The following CEP290 variants were observed in gnomAD, a reference collection of about 807,000 sequenced individuals.
CEP290 encodes centrosomal protein 290, also known as centrosomal protein of 290 kDa.
Under a neutral mutation model 344.9 loss-of-function variants are expected in CEP290, and 317 were observed. The ratio of observed to expected loss-of-function variants is 0.92; its 90% CI spans 0.84 to 1.01. The LOEUF (loss-of-function observed/expected upper bound fraction) is 1.01. Ranked by LOEUF, CEP290 falls within the 50% of genes least tolerant of loss-of-function variation. The pLI, the probability that CEP290 is intolerant of heterozygous loss-of-function variation, is 0.00. For synonymous variants in CEP290, 932 were observed against 895.8 expected (o/e 1.04, Z -0.72); for missense variants, 2,754 against 2,761.4 (o/e 1.00, Z 0.06).
At chr12:88,066,925 T>C (rs1349585901) in intron 44 of CEP290, among the ~76,000 whole-genome samples, 2 of 152,174 alleles carry the variant, frequency 1.3e-5, no homozygotes, top group Non-Finnish European at 2.9e-5. Flanking sequence ...GCATCCTGCC[T>C]GAGCCTAACA....
chr12:88,049,239 G>A lies in CEP290; in HGVS notation c.7385C>T (p.Ala2462Val). ...LGVELTSPVA[A>V]SEEFEDEEES... is the part of the protein sequence containing the mutation. ...TTCTTCATCTTCAAACTCTTCAGAA[G>A]CAGCAACAGGGCTAGTTAATTCAAC... Residue 2462 changes from alanine to valine, a missense_variant, in exon 54 of 54, where the codon GCT (alanine) becomes GTT (valine). Physicochemically the swap from Ala to Val is moderately conservative, Grantham distance 64. Coordinates refer to ENST00000552810, the MANE Select transcript of CEP290 (RefSeq NM_025114.4). 6.2e-7 allele frequency: 1 copy of A among 1,608,722 alleles called. No homozygotes were observed.
At chr12:88,114,976 T>C (rs11610390) in intron 19 of CEP290, 122 bp downstream of exon 19, 2 of 599,832 alleles carry the variant, frequency 3.3e-6, no homozygotes, top group Non-Finnish European at 5.9e-6. Context: ...GTATATACAG[T>C]ACAGAGGTAA....
intron 25 of CEP290, 32 bp from the exon 26 acceptor site, chr12:88,103,043 G>A: frequency 7.0e-7 from 1 of 1,426,682 alleles, no homozygotes; most frequent in Non-Finnish European, 9.2e-7. Context: ...GAGTTATGCT[G>A]GTGTCTTTTT....
At chr12:88,083,271 C>A in intron 36 of CEP290, 41 bp from the exon 37 acceptor site, 2 of 1,061,708 alleles carry the variant, frequency 1.9e-6, no homozygotes, top group South Asian at 4.8e-5. Flanking sequence ...ATGTATAATT[C>A]AATGCCATAC....
chr12:88,084,765 A>C lies in CEP290; in HGVS notation c.4525T>G (p.Leu1509Val). The change falls in exon 35 of 54, where the codon TTG becomes GTG. Residue 1509 changes from leucine (L) to valine (V), a missense_variant. Coordinates refer to ENST00000552810, the MANE Select transcript of CEP290 (RefSeq NM_025114.4). ...DKVINELRLR[L>V]PATAEREKLI... ...TTTTCTCTTTCTGCAGTGGCAGGCA[A>C]TCGAAGCCTCAGTTCATTGATTACT... is the stretch of plus-strand genomic sequence containing the variant. 3 of 1,613,592 alleles carry C rather than the reference A, an allele frequency of 1.9e-6. No homozygotes were observed. The highest frequency in any genetic ancestry group is 2.5e-6 in the Non-Finnish European group (3 of 1,179,712).
chr12:88,065,541 A>G (rs190735036), intron 44 of CEP290, among the ~76,000 whole-genome samples: 1 of 152,178 alleles, frequency 6.6e-6, no homozygotes, highest in Non-Finnish European at 1.5e-5. Flanking sequence ...ATTAGACAGG[A>G]TAACTTTTAA....
At chr12:88,080,120 T>G in intron 38 of CEP290, 62 bp downstream of exon 38, 1 of 1,076,856 alleles carries the variant, frequency 9.3e-7, no homozygotes, top group Non-Finnish European at 1.3e-6. Context: ...TTACAAATCT[T>G]CTCTAAAAGC....
intron 23 of CEP290, among the ~76,000 whole-genome samples, chr12:88,107,626 A>G (rs1005444056): frequency 3.3e-5 from 5 of 151,560 alleles, no homozygotes; most frequent in Non-Finnish European, 7.4e-5. Flanking sequence ...AAAAAAAAAA[A>G]TAAGAAGAAG....
chr12:88,105,336 T>G (rs1014996161), intron 25 of CEP290, among the ~76,000 whole-genome samples: 6 of 152,306 alleles, frequency 3.9e-5, no homozygotes, highest in African/African-American at 1.4e-4. Context: ...TCTGTGAGTC[T>G]AATCTGATAC....
At position 88,093,977 on chromosome 12, in the gene CEP290, T is replaced by C. The variant is rs773386777; in HGVS notation, c.3104-2A>G. 5 of 1,587,460 alleles carry C rather than the reference T, an allele frequency of 3.1e-6. No homozygotes were observed. Among genetic ancestry groups the C allele is most frequent in the Non-Finnish European group, 4.3e-6 (5 of 1,166,376 alleles). On this transcript the variant is annotated splice_acceptor_variant, in intron 27 of 53. Coordinates refer to ENST00000552810, the MANE Select transcript of CEP290 (RefSeq NM_025114.4). LOFTEE classifies it high-confidence loss of function. ...CCTTATCCATGCTAGATTCATTACC[T>C]ACATGCAATAATATTTAAGTCAATC...
intron 12 of CEP290, 143 bp from the exon 13 acceptor site, chr12:88,125,512 C>T (rs537520733): frequency 3.2e-5 from 11 of 348,700 alleles, no homozygotes; most frequent in East Asian, 3.1e-4. Flanking sequence ...CCATTTTGTA[C>T]ACTTCAACTG....
chr12:88,134,711 T>C (rs1410510239), intron 6 of CEP290, among the ~76,000 whole-genome samples: 1 of 152,206 alleles, frequency 6.6e-6, no homozygotes, highest in Non-Finnish European at 1.5e-5. Context: ...CTATCTCATA[T>C]GACAAGTATC....
chr12:88,059,081 G>A, intron 48 of CEP290, 61 bp from the exon 49 acceptor site: 1 of 1,330,006 alleles, frequency 7.5e-7, no homozygotes, highest in Non-Finnish European at 1.0e-6. Flanking sequence ...CATAGATTCA[G>A]TGTATTCAAA....
Position 88,101,347 on chromosome 12 carries a change from G to A in CEP290, c.2991+1491C>T, listed in dbSNP as rs113754167. Among the ~76,000 whole-genome samples, 43 of 152,022 alleles carry A rather than the reference G, an allele frequency of 2.8e-4. 1 individual carries two copies. The highest frequency in any genetic ancestry group is 9.9e-4 in the African/African-American group (41 of 41,460). ...ATACAAAAAATTAGCCGGGCATGAT[G>A]GTGGGTGCCTGTGGTACCAGCTACT... On this transcript the variant is annotated intron_variant, in intron 26 of 53. Coordinates refer to ENST00000552810, the MANE Select transcript of CEP290 (RefSeq NM_025114.4).
At chr12:88,069,988 T>G (rs2136935139) in intron 43 of CEP290, among the ~76,000 whole-genome samples, 1 of 152,326 alleles carries the variant, frequency 6.6e-6, no homozygotes, top group East Asian at 1.9e-4. Context: ...GTTTTAGCTG[T>G]TGTCAGAATA....
chr12:88,080,791 T>C (rs1267156518), intron 37 of CEP290, among the ~76,000 whole-genome samples: 1 of 152,176 alleles, frequency 6.6e-6, no homozygotes, highest in Non-Finnish European at 1.5e-5. Flanking sequence ...AAATTTCATA[T>C]AGAGCAAATG....
chr12:88,063,092 A>G lies in CEP290; in HGVS notation c.6271-314T>C, dbSNP rs950769599. ...AATATACACAGCAAAAGGCAAATGA[A>G]CGTCTAACATTGGTTCTATCAATGT... On this transcript the variant is annotated intron_variant, in intron 45 of 53. Coordinates refer to ENST00000552810, the MANE Select transcript of CEP290 (RefSeq NM_025114.4). Among the ~76,000 whole-genome samples, 113 of 152,010 alleles carry G rather than the reference A, an allele frequency of 7.4e-4. 1 individual carries two copies. Among genetic ancestry groups the G allele is most frequent in the African/African-American group, 2.6e-3 (107 of 41,508 alleles).
At chr12:88,134,779 T>G (rs1231303258) in intron 6 of CEP290, among the ~76,000 whole-genome samples, 5 of 152,222 alleles carry the variant, frequency 3.3e-5, no homozygotes, top group African/African-American at 1.2e-4. Flanking sequence ...AAGGACTCTA[T>G]GAAAGCTATT....
rs576696153 is a variant in CEP290, at chr12:88,118,837, T to C, written c.1523-94A>G. On this transcript the variant is annotated intron_variant, in intron 15 of 53. Coordinates refer to ENST00000552810, the MANE Select transcript of CEP290 (RefSeq NM_025114.4). Reference sequence around the variant, plus strand: ...ATCAAGCAACTGGTTATAATTCACTTAGCCAGTATCACTGAAGAATGAGGT... The same window carrying C: ...ATCAAGCAACTGGTTATAATTCACTCAGCCAGTATCACTGAAGAATGAGGT... 3.9e-6 allele frequency: 3 copies of C among 764,414 alleles called. No homozygotes were observed. The Admixed American group carries it at 9.2e-5, about 24-fold the overall frequency. 47.4% of individuals were successfully genotyped at this position (764,414 alleles called of 1,614,324 possible).
Sources: gnomAD v4.1 joint callset for allele counts (sites outside exome capture counted in the v4.1 genomes callset) on GRCh38, gnomAD v4.1.1 for gene constraint, MANE v1.5 for transcripts, NCBI Gene and HGNC (gene_info 2026-07-23, HGNC 2026-07-21) for gene names.